ATP6V1A: variants seen among roughly 807,000 people sequenced by gnomAD.
The protein encoded by ATP6V1A is ATPase H+ transporting V1 subunit A.
A neutral mutation model predicts 70.1 loss-of-function variants in ATP6V1A; 18 were observed. That is an observed-to-expected ratio of 0.26 (90% CI 0.18 to 0.38). ATP6V1A has a LOEUF of 0.38. Ranked by LOEUF, ATP6V1A falls within the 10% of genes least tolerant of loss-of-function variation. ATP6V1A has a pLI of 1.00. For synonymous variants in ATP6V1A, 232 were observed against 253.8 expected, an observed-to-expected ratio of 0.91 and a Z score of 0.82; for missense variants, 424 against 772.4, an observed-to-expected ratio of 0.55 and a Z score of 5.35.
At chr3:113,748,377 A>G (rs1276304447) in intron 1 of ATP6V1A, among the ~76,000 whole-genome samples, 1 of 152,192 alleles carries the variant, frequency 6.6e-6, no homozygotes, top group East Asian at 1.9e-4. Flanking sequence ...GCTGCTTTTC[A>G]ATTGAAGGTC....
intron 1 of ATP6V1A, among the ~76,000 whole-genome samples, chr3:113,749,348 G>A (rs1201051172): frequency 6.6e-6 from 1 of 151,662 alleles, no homozygotes; most frequent in Non-Finnish European, 1.5e-5. Context: ...AGCCTTATCA[G>A]TTTATGAGTG....
chr3:113,757,755 A>C (rs1272838302), intron 1 of ATP6V1A, among the ~76,000 whole-genome samples: 6 of 152,194 alleles, frequency 3.9e-5, no homozygotes. Context: ...CAGACAAAAA[A>C]CTGGTTTGGC....
At chr3:113,805,916 A>G (rs1002801872) in intron 14 of ATP6V1A, among the ~76,000 whole-genome samples, 1 of 152,182 alleles carries the variant, frequency 6.6e-6, no homozygotes, top group African/African-American at 2.4e-5. Context: ...ACACATGTTC[A>G]GGTTTTGTAA....
At chr3:113,797,524 A>G (rs1260030582) in intron 11 of ATP6V1A, among the ~76,000 whole-genome samples, 26 of 147,496 alleles carry the variant, frequency 1.8e-4, no homozygotes, top group Middle Eastern at 3.9e-3. Context: ...CCAGAGTGCT[A>G]GGATTACAGG....
intron 14 of ATP6V1A, among the ~76,000 whole-genome samples, chr3:113,807,222 C>T (rs1577098021): frequency 6.8e-6 from 1 of 147,446 alleles, no homozygotes; most frequent in Middle Eastern, 3.5e-3. Context: ...CTCTGTTGTC[C>T]AGGCTGGAGT....
chr3:113,754,278 C>T (rs1708622860), intron 1 of ATP6V1A, among the ~76,000 whole-genome samples: 1 of 152,096 alleles, frequency 6.6e-6, no homozygotes, highest in South Asian at 2.1e-4. Context: ...AATCCCAGCA[C>T]TTTGGGAGGC....
intron 1 of ATP6V1A, among the ~76,000 whole-genome samples, chr3:113,775,119 G>T (rs1325452744): frequency 6.6e-6 from 1 of 152,060 alleles, no homozygotes; most frequent in Non-Finnish European, 1.5e-5. Flanking sequence ...ATTTAGGTTG[G>T]ATGTGAGATA....
chr3:113,802,126 G>A (rs1709220123), intron 12 of ATP6V1A, among the ~76,000 whole-genome samples: 1 of 152,076 alleles, frequency 6.6e-6, no homozygotes. Context: ...CTGTAACTTA[G>A]CTATACTAGT....
rs1709263844 is a variant in ATP6V1A, at chr3:113,805,417, T to C, written c.1653T>C (p.Ala551=). ...LSNMIAFYDM[A]RRAVETTAQS... ...ACATGATTGCATTTTATGATATGGC[T>C]CGTAGAGCTGTTGAAACCACTGCCC... Residue 551 remains alanine, a synonymous_variant, in exon 14 of 15, where the codon GCT becomes GCC. Transcript: ENST00000273398. The C allele has an allele frequency of 6.2e-7, 1 of 1,613,946 alleles. No homozygotes were observed. The highest frequency in any genetic ancestry group is 1.1e-5 in the South Asian group (1 of 91,082).
intron 1 of ATP6V1A, among the ~76,000 whole-genome samples, chr3:113,754,762 T>G (rs1708627991): frequency 6.6e-6 from 1 of 152,196 alleles, no homozygotes. Flanking sequence ...GCATATAAAC[T>G]GGATTACAAG....
rs1709240646 is a variant in ATP6V1A at position 113,803,677 on chromosome 3, G to C, written c.1589G>C (p.Arg530Thr). ...LQQNGYTPYDRFCPFYKTVGM... is the reference protein window; with the variant it reads ...LQQNGYTPYDTFCPFYKTVGM... The stretch of plus-strand genomic sequence containing the variant: ...CAAAATGGATATACTCCTTATGACA[G>C]GTAAGCTATATTGATTTCCTTTTTT... The change falls in exon 13 of 15, where the codon AGG becomes ACG. Residue 530 changes from arginine (R) to threonine (T), a missense_variant and splice_region_variant. By Grantham distance (71) the Arg-to-Thr change is moderately conservative. Transcript: ENST00000273398. The C allele has an allele frequency of 6.3e-7, 1 of 1,587,206 alleles. No homozygotes were observed. The highest frequency in any genetic ancestry group is 1.3e-5 in the African/African-American group (1 of 74,130).
chr3:113,784,723 A>C lies in ATP6V1A; in HGVS notation c.454A>C (p.Ile152Leu). The stretch of plus-strand genomic sequence containing the variant: ...TGGTAGTCATATCACTGGCGGAGAC[A>C]TTTATGGAATTGTCAGTGAGAACTC... ...RVGSHITGGD[I>L]YGIVSENSLI... The change falls in exon 5 of 15, where the codon ATT (isoleucine) becomes CTT (leucine). Residue 152 changes from isoleucine to leucine, a missense_variant. Around this residue, in one of 9 missense-constraint regions of ATP6V1A, gnomAD observed 139 missense variants for 163.5 expected, o/e 0.85. Coordinates refer to ENST00000273398, the MANE Select transcript of ATP6V1A (RefSeq NM_001690.4). 1 of 1,614,142 alleles carries C rather than the reference A, an allele frequency of 6.2e-7. No individual in the cohort carries two copies. The highest frequency in any genetic ancestry group is 1.3e-5 in the African/African-American group (1 of 75,054).
chr3:113,782,085 A>G (rs1271283304), intron 3 of ATP6V1A, among the ~76,000 whole-genome samples: 1 of 152,220 alleles, frequency 6.6e-6, no homozygotes, highest in Admixed American at 6.5e-5. Flanking sequence ...GATTCTCAAA[A>G]TCAGCATTAA....
chr3:113,784,250 C>G lies in ATP6V1A; in HGVS notation c.238C>G (p.Leu80Val). The change falls in exon 4 of 15, where the codon CTT (leucine) becomes GTT (valine). Residue 80 changes from leucine (L) to valine (V), a missense_variant. Physicochemically the swap from Leu to Val is conservative, Grantham distance 32 (BLOSUM62 1). Transcript: ENST00000273398. Reference protein sequence around the residue: ...TSGVSVGDPVLRTGKPLSVEL... With the variant: ...TSGVSVGDPVVRTGKPLSVEL... ...TGGTGTGTCTGTTGGAGATCCTGTA[C>G]TTCGCACTGGTAAACCCCTCTCTGT... 3 of 1,614,150 alleles carry G rather than the reference C, an allele frequency of 1.9e-6. No individual in the cohort carries two copies. In the South Asian group the frequency reaches 3.3e-5, roughly 18 times the overall value.
intron 12 of ATP6V1A, among the ~76,000 whole-genome samples, chr3:113,798,883 T>C (rs1709180930): frequency 6.6e-6 from 1 of 152,216 alleles, no homozygotes; most frequent in Admixed American, 6.5e-5. Flanking sequence ...AATGCCAGAA[T>C]GAAAAGACTT....
chr3:113,799,230 TAAAG>T (rs1709184315), intron 12 of ATP6V1A, among the ~76,000 whole-genome samples: 1 of 152,110 alleles, frequency 6.6e-6, no homozygotes, highest in Non-Finnish European at 1.5e-5. Flanking sequence ...AGTAGGATAT[TAAAG>T]AAAATAAAAT....
At chr3:113,787,424 G>A (rs1709049742) in intron 6 of ATP6V1A, among the ~76,000 whole-genome samples, 1 of 152,158 alleles carries the variant, frequency 6.6e-6, no homozygotes, top group African/African-American at 2.4e-5. Flanking sequence ...GGGGGAAAAT[G>A]CCCTGTTTCA....
chr3:113,792,691 T>C lies in ATP6V1A; in HGVS notation c.989-2181T>C, dbSNP rs1245479132. 2.0e-5 allele frequency among the ~76,000 whole-genome samples: 3 copies of C among 152,298 alleles called. No homozygotes were observed. In the East Asian group the frequency reaches 5.8e-4, roughly 29 times the overall value. On this transcript the variant is annotated intron_variant, in intron 8 of 14. Transcript: ENST00000273398. The stretch of plus-strand genomic sequence containing the variant: ...GAAGCAAAATTCCTGCCAATACAGC[T>C]GCTAATTATTATTTTACATTCTGAT...
intron 1 of ATP6V1A, among the ~76,000 whole-genome samples, chr3:113,750,435 T>G (rs528139536): frequency 5.3e-5 from 8 of 152,118 alleles, no homozygotes; most frequent in Non-Finnish European, 7.4e-5. Context: ...TGAGCCAAGA[T>G]CACACCACTG....
Sources: allele counts gnomAD v4.1 joint callset (sites outside exome capture counted in the v4.1 genomes callset), GRCh38; gene constraint gnomAD v4.1.1; regional missense constraint gnomAD v4.1.1; transcripts MANE v1.5; gene names NCBI Gene and HGNC (gene_info 2026-07-23, HGNC 2026-07-21).